The following DNAJC5B variants were observed in gnomAD, a reference collection of about 807,000 sequenced individuals.
DNAJC5B encodes dnaJ homolog subfamily C member 5B.
In DNAJC5B, 23 loss-of-function variants were observed where a neutral mutation model predicts 24.7. The observed-to-expected ratio is 0.93, with a 90% CI of 0.67 to 1.32. The LOEUF (loss-of-function observed/expected upper bound fraction) is 1.32, where lower values mean the gene tolerates loss of function less well. DNAJC5B is among the 40% of genes most tolerant of loss of function. The pLI, the probability that DNAJC5B is intolerant of heterozygous loss-of-function variation, is 0.00. For synonymous variants in DNAJC5B, 101 were observed against 90.1 expected (o/e 1.12, Z -0.68); for missense variants, 238 against 240.8 (o/e 0.99, Z 0.08).
At chr8:66,017,120 C>A (rs1227143307), upstream of DNAJC5B, among the ~76,000 whole-genome samples, 2 of 152,058 alleles carry the variant, frequency 1.3e-5, no homozygotes, top group South Asian at 2.1e-4. Flanking sequence ...GGATCTAAAC[C>A]AATACATGCC....
upstream of DNAJC5B, among the ~76,000 whole-genome samples, chr8:66,020,819 G>C (rs1460179120): frequency 6.6e-6 from 1 of 151,978 alleles, no homozygotes; most frequent in African/African-American, 2.4e-5. Flanking sequence ...TGTATTTTTT[G>C]TAGAGATAGG....
intron 5 of DNAJC5B, among the ~76,000 whole-genome samples, chr8:66,092,908 C>T (rs1328404325): frequency 6.6e-6 from 1 of 152,046 alleles, no homozygotes; most frequent in Non-Finnish European, 1.5e-5. Flanking sequence ...GGGTACAGAT[C>T]CTGTCACCCA....
At position 66,088,600 on chromosome 8, in the gene DNAJC5B, A is replaced by G. The variant is rs73244935; in HGVS notation, c.505+8052A>G. ...TCAAACCATCTCTTTGTGAACACAT[A>G]TAACTGAAGGCTTTCAGAATCAGCC... On this transcript the variant is annotated intron_variant, in intron 5 of 5. Transcript: ENST00000276570. 6.8e-3 allele frequency among the ~76,000 whole-genome samples: 1,042 copies of G among 152,312 alleles called. 10 individuals carry two copies. The highest frequency in any genetic ancestry group is 0.024 in the African/African-American group (997 of 41,572).
chr8:66,099,842 C>A, intron 5 of DNAJC5B, 95 bp from the exon 6 acceptor site: 1 of 1,033,904 alleles, frequency 9.7e-7, no homozygotes, highest in Non-Finnish European at 1.4e-6. Flanking sequence ...GTTGATTTGC[C>A]AGTCATGAAT....
intron 3 of DNAJC5B, among the ~76,000 whole-genome samples, chr8:66,062,292 T>C (rs1429493632): frequency 1.3e-5 from 2 of 152,226 alleles, no homozygotes; most frequent in Non-Finnish European, 2.9e-5. Flanking sequence ...AGTTATTCAC[T>C]GACCCAATAA....
upstream of DNAJC5B, among the ~76,000 whole-genome samples, chr8:66,018,804 C>T (rs1806030028): frequency 6.6e-6 from 1 of 152,120 alleles, no homozygotes; most frequent in South Asian, 2.1e-4. Context: ...TTGAGAAATT[C>T]TGCCTTGAAG....
intron 1 of DNAJC5B, among the ~76,000 whole-genome samples, chr8:66,024,167 C>G (rs751412574): frequency 3.0e-4 from 45 of 152,130 alleles, no homozygotes; most frequent in Non-Finnish European, 6.0e-4. Flanking sequence ...GTATTACATG[C>G]AGGTTGCCTT....
At chr8:66,054,215 T>C (rs1806915791) in intron 3 of DNAJC5B, among the ~76,000 whole-genome samples, 1 of 152,216 alleles carries the variant, frequency 6.6e-6, no homozygotes, top group African/African-American at 2.4e-5. Flanking sequence ...TTTTAATCAG[T>C]TACTTCTTGA....
At chr8:66,050,102 A>G (rs1806813963) in intron 2 of DNAJC5B, among the ~76,000 whole-genome samples, 1 of 152,186 alleles carries the variant, frequency 6.6e-6, no homozygotes, top group Non-Finnish European at 1.5e-5. Flanking sequence ...TATTTTCCCA[A>G]AGTATTCTTT....
At chr8:66,040,047 A>T (rs1352294596) in intron 1 of DNAJC5B, among the ~76,000 whole-genome samples, 1 of 152,240 alleles carries the variant, frequency 6.6e-6, no homozygotes, top group Non-Finnish European at 1.5e-5. Context: ...GATAAAAAGT[A>T]AAATGGGTTT....
At chr8:66,055,008 A>G (rs1806934024) in intron 3 of DNAJC5B, among the ~76,000 whole-genome samples, 1 of 152,246 alleles carries the variant, frequency 6.6e-6, no homozygotes, top group African/African-American at 2.4e-5. Flanking sequence ...TTTAAAATCC[A>G]CTTTACTTTA....
intron 3 of DNAJC5B, among the ~76,000 whole-genome samples, chr8:66,055,904 A>G (rs185540459): frequency 6.4e-4 from 98 of 152,338 alleles, no homozygotes; most frequent in Non-Finnish European, 1.2e-3. Context: ...AGCCGAGATC[A>G]TGCTGCTGTA....
At chr8:66,035,042 C>T (rs549694235) in intron 1 of DNAJC5B, among the ~76,000 whole-genome samples, 14 of 152,144 alleles carry the variant, frequency 9.2e-5, no homozygotes, top group Non-Finnish European at 1.8e-4. Flanking sequence ...AAAATAGCCC[C>T]AAGGGCATGG....
chr8:66,091,917 A>G (rs1288523454), intron 5 of DNAJC5B, among the ~76,000 whole-genome samples: 1 of 152,214 alleles, frequency 6.6e-6, no homozygotes, highest in Admixed American at 6.5e-5. Context: ...CAGACACAAA[A>G]GGACAAACAT....
chr8:66,020,419 G>A (rs1256813615), upstream of DNAJC5B, among the ~76,000 whole-genome samples: 1 of 152,140 alleles, frequency 6.6e-6, no homozygotes, highest in African/African-American at 2.4e-5. Context: ...TCACAGATAC[G>A]TCGTCTGATG....
In DNAJC5B at chr8:66,071,940, A is replaced by G. The variant is rs1807359208; in HGVS notation, c.120-4720A>G. On this transcript the variant is annotated intron_variant, in intron 3 of 5. Coordinates refer to ENST00000276570, the MANE Select transcript of DNAJC5B (RefSeq NM_033105.6). ...TGGAAACCATCATTCTCAGCAAACT[A>G]TCACAAGGACAGAAAACCAAAAACC... is the stretch of plus-strand genomic sequence containing the variant. Among the ~76,000 whole-genome samples, 3 of 152,038 alleles carry G rather than the reference A, an allele frequency of 2.0e-5. No individual in the cohort carries two copies. The South Asian group carries it at 6.2e-4, about 32-fold the overall frequency.
upstream of DNAJC5B, among the ~76,000 whole-genome samples, chr8:66,018,688 A>G (rs1468746690): frequency 6.6e-6 from 1 of 152,130 alleles, no homozygotes; most frequent in African/African-American, 2.4e-5. Context: ...TCTCTCACTC[A>G]GGCCGTGAGA....
intron 2 of DNAJC5B, among the ~76,000 whole-genome samples, chr8:66,046,445 G>T (rs755583314): frequency 4.5e-4 from 68 of 152,208 alleles, no homozygotes; most frequent in Non-Finnish European, 8.2e-4. Flanking sequence ...ACTATTCAGA[G>T]TTCTTGTGAG....
rs1807403355 is a variant in DNAJC5B, at chr8:66,073,760, A to G, written c.120-2900A>G. On this transcript the variant is annotated intron_variant, in intron 3 of 5. Coordinates refer to ENST00000276570, the MANE Select transcript of DNAJC5B (RefSeq NM_033105.6). Reference sequence around the variant, plus strand: ...TCTTTTCCTAATAAATGGTGCTACAAGAGTGGAATATCTATTTAAAGTAAG... The same window carrying G: ...TCTTTTCCTAATAAATGGTGCTACAGGAGTGGAATATCTATTTAAAGTAAG... Among the ~76,000 whole-genome samples the G allele has an allele frequency of 2.0e-5, 3 of 152,224 alleles. No individual in the cohort carries two copies. In the South Asian group the frequency reaches 6.2e-4, roughly 31 times the overall value.
Sources: allele counts gnomAD v4.1 joint callset (sites outside exome capture counted in the v4.1 genomes callset), GRCh38; gene constraint gnomAD v4.1.1; transcripts MANE v1.5; gene names NCBI Gene and HGNC (gene_info 2026-07-23, HGNC 2026-07-21).